SVIL: variants seen among roughly 807,000 people sequenced by gnomAD.
The protein encoded by SVIL is archvillin.
SVIL carries 101 observed loss-of-function variants against 240.4 expected under a neutral mutation model. The ratio of observed to expected loss-of-function variants is 0.42; its 90% CI spans 0.36 to 0.50. SVIL has a LOEUF of 0.50. Ranked by LOEUF, SVIL falls within the 20% of genes least tolerant of loss-of-function variation. The pLI is 0.01. For missense variants in SVIL, 2,512 were observed against 2,818.7 expected (o/e 0.89, Z 2.46); for synonymous variants, 999 against 1,100.0 (o/e 0.91, Z 1.82).
intron 5 of SVIL, among the ~76,000 whole-genome samples, chr10:29,554,221 G>GGTTGACCCCCACCT (rs1442794239): frequency 1.3e-5 from 2 of 151,960 alleles, no homozygotes; most frequent in African/African-American, 4.8e-5. Context: ...TGAGGTGGGA[G>GGTTGACCCCCACCT]GATCACTTGA....
At chr10:29,683,462 G>A (rs1960818382) in intron 2 of SVIL, among the ~76,000 whole-genome samples, 1 of 152,162 alleles carries the variant, frequency 6.6e-6, no homozygotes, top group African/African-American at 2.4e-5. Flanking sequence ...ATTCCAAAAG[G>A]GAGGAGGGTA....
intron 1 of SVIL, among the ~76,000 whole-genome samples, chr10:29,607,483 C>T (rs1957069347): frequency 6.6e-6 from 1 of 151,288 alleles, no homozygotes; most frequent in Admixed American, 6.6e-5. Flanking sequence ...CTCAAACTTC[C>T]CTAATTTAGA....
intron 1 of SVIL, among the ~76,000 whole-genome samples, chr10:29,694,231 C>CAAAA (rs61095076): frequency 4.0e-5 from 4 of 99,844 alleles, no homozygotes; most frequent in Admixed American, 1.1e-4. Context: ...CTGTGTCTAC[C>CAAAA]AAAAAAAAAA....
At chr10:29,638,451 G>A (rs983094769), upstream of SVIL, among the ~76,000 whole-genome samples, 1 of 151,456 alleles carries the variant, frequency 6.6e-6, no homozygotes, top group African/African-American at 2.4e-5. Context: ...GGGTGACAAG[G>A]GTGAAACTCT....
intron 1 of SVIL, 114 bp from the exon 2 acceptor site, chr10:29,569,426 A>G: frequency 2.8e-6 from 1 of 357,414 alleles, no homozygotes; most frequent in South Asian, 1.1e-4. Context: ...AAAGAAAACC[A>G]TTAACCAGAC....
At chr10:29,586,267 T>C (rs1056229053) in intron 1 of SVIL, among the ~76,000 whole-genome samples, 2 of 152,212 alleles carry the variant, frequency 1.3e-5, no homozygotes, top group Admixed American at 6.5e-5. Flanking sequence ...ATTGAGTGCA[T>C]TCAGTCTACT....
intron 2 of SVIL, among the ~76,000 whole-genome samples, chr10:29,660,883 C>T (rs1313673314): frequency 6.6e-6 from 1 of 152,014 alleles, no homozygotes; most frequent in Non-Finnish European, 1.5e-5. Context: ...AAAGCCTGTG[C>T]CTGGGCCGGG....
intron 1 of SVIL, among the ~76,000 whole-genome samples, chr10:29,572,763 C>CAAAAAAAAAAAAAAAAAAAAAAAAAAA (rs375180538): frequency 1.2e-5 from 1 of 81,328 alleles, no homozygotes; most frequent in African/African-American, 4.7e-5. Flanking sequence ...GATCCTATCT[C>CAAAAAAAAAAAAAAAAAAAAAAAAAAA]AAAAAAAAAA....
intron 6 of SVIL, among the ~76,000 whole-genome samples, chr10:29,541,915 T>A (rs1311329819): frequency 1.3e-5 from 2 of 152,126 alleles, no homozygotes; most frequent in Non-Finnish European, 2.9e-5. Flanking sequence ...CAAGACCACA[T>A]ACAAGAACCC....
chr10:29,478,071 G>A (rs547491791), intron 29 of SVIL, among the ~76,000 whole-genome samples: 16 of 152,166 alleles, frequency 1.1e-4, no homozygotes, highest in Admixed American at 7.2e-4. Flanking sequence ...TTTTAGGAAC[G>A]GGCACTACAA....
In SVIL at chr10:29,480,704, C is replaced by T. The variant is rs200279172; in HGVS notation, c.5210G>A (p.Gly1737Asp). The T allele has an allele frequency of 3.7e-6, 6 of 1,614,180 alleles. No individual in the cohort carries two copies. Among genetic ancestry groups the T allele is most frequent in the Admixed American group, 1.7e-5 (1 of 60,020 alleles). ...LDGVNVGRGY[G>D]LVEGHDRRQF... ...CCTCCTGTCGTGTCCTTCCACCAGG[C>T]CATAGCCACGGCCGACGTTCACTCC... Residue 1737 changes from glycine (G) to aspartate (D), a missense_variant, in exon 29 of 38, where the codon GGC (glycine) becomes GAC (aspartate). Physicochemically the swap from Gly to Asp is moderately conservative, Grantham distance 94. Transcript: ENST00000355867.
chr10:29,494,570 G>GA (rs1299658114), intron 20 of SVIL, among the ~76,000 whole-genome samples: 1 of 152,146 alleles, frequency 6.6e-6, no homozygotes. Context: ...GTGATTATAT[G>GA]AAATAATATT....
At chr10:29,604,982 A>C (rs1476638166) in intron 1 of SVIL, among the ~76,000 whole-genome samples, 1 of 152,220 alleles carries the variant, frequency 6.6e-6, no homozygotes. Flanking sequence ...AGGGTCTTCA[A>C]ATGCATCCCC....
At chr10:29,680,468 G>A (rs1033466345) in intron 2 of SVIL, among the ~76,000 whole-genome samples, 16 of 152,324 alleles carry the variant, frequency 1.1e-4, no homozygotes, top group Admixed American at 7.2e-4. Flanking sequence ...ACAGCATGGC[G>A]CATGGGCAGG....
At chr10:29,724,905 C>T (rs1042374442) in intron 1 of SVIL, among the ~76,000 whole-genome samples, 2 of 151,800 alleles carry the variant, frequency 1.3e-5, no homozygotes, top group African/African-American at 4.8e-5. Flanking sequence ...GCCTGTAATC[C>T]CAGCTACTCA....
chr10:29,560,842 A>AC (rs1330081574), intron 3 of SVIL, among the ~76,000 whole-genome samples: 1 of 109,990 alleles, frequency 9.1e-6, no homozygotes, highest in Non-Finnish European at 1.8e-5. Context: ...GGGCACTGGC[A>AC]CTTTTTTTTT....
At chr10:29,711,261 A>C (rs1225443288) in intron 1 of SVIL, among the ~76,000 whole-genome samples, 1 of 152,084 alleles carries the variant, frequency 6.6e-6, no homozygotes, top group East Asian at 1.9e-4. Context: ...TTAGCTGGGC[A>C]TGGTGACGCA....
At chr10:29,500,894 G>A (rs1047264954) in intron 17 of SVIL, among the ~76,000 whole-genome samples, 3 of 152,166 alleles carry the variant, frequency 2.0e-5, no homozygotes, top group Non-Finnish European at 4.4e-5. Flanking sequence ...GACAGGAAGA[G>A]AGTGGAGATG....
chr10:29,555,336 ACACACACATG>A (rs1170302248), intron 3 of SVIL, among the ~76,000 whole-genome samples: 73 of 138,688 alleles, frequency 5.3e-4, no homozygotes, highest in African/African-American at 2.0e-3. Context: ...ACACACACAC[ACACACACATG>A]GACACACCCT....
Sources: gnomAD v4.1 joint callset for allele counts (sites outside exome capture counted in the v4.1 genomes callset) on GRCh38, gnomAD v4.1.1 for gene constraint, MANE v1.5 for transcripts, NCBI Gene and HGNC (gene_info 2026-07-23, HGNC 2026-07-21) for gene names.